The following CDK6 variants were observed in gnomAD, a reference collection of about 807,000 sequenced individuals.
The protein encoded by CDK6 is cyclin dependent kinase 6, also known as cyclin-dependent kinase 6.
CDK6 carries 6 observed loss-of-function variants against 37.1 expected under a neutral mutation model. That is an observed-to-expected ratio of 0.16 (90% confidence interval 0.09 to 0.32). The LOEUF is 0.32. CDK6 is among the 10% of genes least tolerant of loss of function. The pLI, the probability that CDK6 is intolerant of heterozygous loss-of-function variation, is 1.00. For synonymous variants in CDK6, 160 were observed against 161.3 expected (o/e 0.99, Z 0.06); for missense variants, 224 against 418.9 (o/e 0.53, Z 4.06).
chr7:92,678,720 CTG>C (rs895244356), intron 4 of CDK6, among the ~76,000 whole-genome samples: 2 of 152,214 alleles, frequency 1.3e-5, no homozygotes, highest in African/African-American at 4.8e-5. Context: ...GGTATGAACA[CTG>C]TGCTGGATGT....
chr7:92,608,450 C>T lies in CDK6; in HGVS notation c.*6690G>A, dbSNP rs1795481582. On this transcript the variant is annotated 3_prime_UTR_variant, in exon 8 of 8. Transcript: ENST00000424848. ...GAAGCAGAAAATAAACTTTTCAAAA[C>T]AAAACTTTTCCAGGCATATCTTTCA... The T allele has an allele frequency of 4.3e-6, 1 of 230,232 alleles. No homozygotes were observed. Among genetic ancestry groups the T allele is most frequent in the Admixed American group, 5.7e-5 (1 of 17,666 alleles). The allele number at this position is 230,232 out of a possible 1,614,324, so 14.3% of individuals were successfully genotyped here.
At chr7:92,829,287 CTAATTA>C (rs1157017580) in intron 2 of CDK6, among the ~76,000 whole-genome samples, 1 of 152,126 alleles carries the variant, frequency 6.6e-6, no homozygotes, top group East Asian at 1.9e-4. Flanking sequence ...AGTGACTATT[CTAATTA>C]TAATATTTAA....
chr7:92,769,272 C>G (rs1799654297), intron 3 of CDK6, among the ~76,000 whole-genome samples: 1 of 152,052 alleles, frequency 6.6e-6, no homozygotes, highest in Non-Finnish European at 1.5e-5. Flanking sequence ...GAAAACGACC[C>G]ACACAGACAT....
intron 4 of CDK6, among the ~76,000 whole-genome samples, chr7:92,704,234 G>A (rs1797919492): frequency 6.6e-6 from 1 of 152,100 alleles, no homozygotes; most frequent in Non-Finnish European, 1.5e-5. Flanking sequence ...AGAATGAGGG[G>A]AGATTTTATA....
At chr7:92,729,132 T>A (rs1486489164) in intron 3 of CDK6, among the ~76,000 whole-genome samples, 1 of 152,202 alleles carries the variant, frequency 6.6e-6, no homozygotes, top group East Asian at 1.9e-4. Flanking sequence ...ACACCTTTCC[T>A]ACAGAATCAC....
intron 2 of CDK6, among the ~76,000 whole-genome samples, chr7:92,806,675 A>C (rs1291117367): frequency 6.6e-6 from 1 of 152,220 alleles, no homozygotes; most frequent in African/African-American, 2.4e-5. Flanking sequence ...ATTAATGCCA[A>C]CAATAAAAAC....
intron 2 of CDK6, among the ~76,000 whole-genome samples, chr7:92,800,648 G>T (rs377479033): frequency 6.6e-6 from 1 of 152,030 alleles, no homozygotes. Flanking sequence ...ATTCAGGGGG[G>T]GCTCAATTAA....
rs560914934 is a variant in CDK6 at position 92,758,850 on chromosome 7, C to T, written c.369+15846G>A. Reference sequence around the variant, plus strand: ...TAATTTTCATTGCAGAGATTTTTCACCTCCCTGGTTAGCTGTATTCCTAGG... The same window carrying T: ...TAATTTTCATTGCAGAGATTTTTCATCTCCCTGGTTAGCTGTATTCCTAGG... On this transcript the variant is annotated intron_variant, in intron 3 of 7. Transcript: ENST00000424848. 3.9e-5 allele frequency among the ~76,000 whole-genome samples: 6 copies of T among 152,226 alleles called. No homozygotes were observed. The East Asian group carries it at 7.7e-4, about 20-fold the overall frequency.
intron 2 of CDK6, among the ~76,000 whole-genome samples, chr7:92,807,434 C>T (rs1006916653): frequency 1.3e-5 from 2 of 151,682 alleles, no homozygotes; most frequent in African/African-American, 4.8e-5. Flanking sequence ...ATATACATCT[C>T]TTTATCTAGA....
At chr7:92,695,747 A>C (rs956035191) in intron 4 of CDK6, among the ~76,000 whole-genome samples, 5 of 152,234 alleles carry the variant, frequency 3.3e-5, no homozygotes, top group Non-Finnish European at 7.3e-5. Context: ...CAATGTTTAC[A>C]ATCCCCTGGG....
chr7:92,643,965 A>G (rs974740975), intron 5 of CDK6, among the ~76,000 whole-genome samples: 2 of 152,210 alleles, frequency 1.3e-5, no homozygotes, highest in African/African-American at 4.8e-5. Flanking sequence ...AGATGATGAA[A>G]GAAAAGAAAT....
At chr7:92,651,110 G>A (rs937977406) in intron 5 of CDK6, among the ~76,000 whole-genome samples, 1 of 152,188 alleles carries the variant, frequency 6.6e-6, no homozygotes, top group Non-Finnish European at 1.5e-5. Context: ...GGCTGGTCTC[G>A]ATCTCCTGAC....
chr7:92,709,546 A>T (rs1053339519), intron 4 of CDK6, among the ~76,000 whole-genome samples: 1 of 152,150 alleles, frequency 6.6e-6, no homozygotes, highest in Non-Finnish European at 1.5e-5. Flanking sequence ...ATATGTAACT[A>T]AAAAAACATA....
intron 4 of CDK6, among the ~76,000 whole-genome samples, chr7:92,694,559 T>G (rs1180457348): frequency 6.6e-6 from 1 of 152,222 alleles, no homozygotes; most frequent in Non-Finnish European, 1.5e-5. Flanking sequence ...GTGAAGAACC[T>G]TTAAGAGTTA....
intron 2 of CDK6, among the ~76,000 whole-genome samples, chr7:92,801,100 TTG>T (rs1343699926): frequency 1.3e-5 from 2 of 152,160 alleles, no homozygotes; most frequent in Non-Finnish European, 2.9e-5. Flanking sequence ...CTAACATGAA[TTG>T]TGTGAGAAAA....
At chr7:92,769,917 T>C (rs532046897) in intron 3 of CDK6, among the ~76,000 whole-genome samples, 2 of 152,028 alleles carry the variant, frequency 1.3e-5, no homozygotes, top group East Asian at 1.9e-4. Context: ...TATATAAGCA[T>C]AGATACTCTG....
At chr7:92,663,695 T>C (rs1796888818) in intron 5 of CDK6, among the ~76,000 whole-genome samples, 1 of 150,600 alleles carries the variant, frequency 6.6e-6, no homozygotes, top group African/African-American at 2.5e-5. Flanking sequence ...AGCGAGACTC[T>C]GTCTCCAAAA....
chr7:92,732,370 T>C (rs1798670561), intron 3 of CDK6, among the ~76,000 whole-genome samples: 1 of 152,206 alleles, frequency 6.6e-6, no homozygotes, highest in South Asian at 2.1e-4. Context: ...TGAGCCGTGA[T>C]TGCACCACTG....
intron 5 of CDK6, among the ~76,000 whole-genome samples, chr7:92,640,060 C>A (rs1410285116): frequency 6.6e-6 from 1 of 152,150 alleles, no homozygotes; most frequent in African/African-American, 2.4e-5. Flanking sequence ...GGAGATAATA[C>A]ACCACCTGGC....
Sources: gnomAD v4.1 joint callset for allele counts (sites outside exome capture counted in the v4.1 genomes callset) on GRCh38, gnomAD v4.1.1 for gene constraint, MANE v1.5 for transcripts, NCBI Gene and HGNC (gene_info 2026-07-23, HGNC 2026-07-21) for gene names.